Variants in CLASP1 observed in about 807,000 individuals in gnomAD.
The protein encoded by CLASP1 is cytoplasmic linker associated protein 1.
Under a neutral mutation model 192.3 loss-of-function variants are expected in CLASP1, and 38 were observed. The observed-to-expected ratio is 0.20, with a 90% CI of 0.15 to 0.26. CLASP1 has a LOEUF of 0.26. Among genes scored for constraint, CLASP1 ranks in the 10% least tolerant of loss-of-function variants. The pLI is 1.00. For missense variants in CLASP1, 1,433 were observed against 1,932.5 expected, an observed-to-expected ratio of 0.74 and a Z score of 4.85; for synonymous variants, 691 against 712.8, an observed-to-expected ratio of 0.97 and a Z score of 0.49.
At chr2:121,433,828 G>A (rs907731672) in intron 19 of CLASP1, among the ~76,000 whole-genome samples, 2 of 152,148 alleles carry the variant, frequency 1.3e-5, no homozygotes, top group African/African-American at 4.8e-5. Flanking sequence ...CATACACAAT[G>A]TTTGTAGGTA....
chr2:121,554,108 C>T (rs2058300159), intron 2 of CLASP1, among the ~76,000 whole-genome samples: 1 of 151,144 alleles, frequency 6.6e-6, no homozygotes, highest in Non-Finnish European at 1.5e-5. Flanking sequence ...CCCAGCTATA[C>T]TGGAGGCTGA....
chr2:121,427,450 C>A lies in CLASP1; in HGVS notation c.2018-20G>T. On this transcript the variant is annotated intron_variant, in intron 20 of 39. Transcript: ENST00000263710. ...TGGATCCTTGATTATGAGAGCAGAC[C>A]AAAGGACAGGCAAAAAGTGGATTAA... 1 of 1,612,378 alleles carries A rather than the reference C, an allele frequency of 6.2e-7. No individual in the cohort carries two copies. The highest frequency in any genetic ancestry group is 8.5e-7 in the Non-Finnish European group (1 of 1,179,368).
In CLASP1 at chr2:121,404,452, G is replaced by T; in HGVS notation, c.2670-18C>A. ...CAACTCGACTAGAAGAAATAAAACA[G>T]AAATCAATGAATTTACTACTTTTAT... On this transcript the variant is annotated intron_variant, in intron 25 of 39. Coordinates refer to ENST00000263710, the Ensembl canonical transcript of CLASP1. 1 of 1,592,784 alleles carries T rather than the reference G, an allele frequency of 6.3e-7. No individual in the cohort carries two copies.
chr2:121,494,997 G>C (rs2093468356), intron 8 of CLASP1, among the ~76,000 whole-genome samples: 1 of 151,704 alleles, frequency 6.6e-6, no homozygotes, highest in Non-Finnish European at 1.5e-5. Context: ...ACTCCAGCCT[G>C]GGTGACAGAG....
intron 14 of CLASP1, among the ~76,000 whole-genome samples, chr2:121,455,053 T>C (rs2086331339): frequency 6.6e-6 from 1 of 152,196 alleles, no homozygotes; most frequent in Non-Finnish European, 1.5e-5. Flanking sequence ...GCATGCCAAC[T>C]TTACATTCTC....
chr2:121,479,227 G>A (rs542195170), intron 8 of CLASP1, among the ~76,000 whole-genome samples: 2 of 151,820 alleles, frequency 1.3e-5, no homozygotes, highest in South Asian at 4.2e-4. Flanking sequence ...CATGCAGACT[G>A]GATTGGAAGA....
At position 121,518,679 on chromosome 2, in the gene CLASP1, C is replaced by T. The variant is rs1307984241; in HGVS notation, c.547-2917G>A. ...GGTCAGGAGTTCGAGACCAGCCTGG[C>T]CAACATGGTGAAACCCCGTCTCTAC... On this transcript the variant is annotated intron_variant, in intron 6 of 39. Transcript: ENST00000263710. 2.6e-5 allele frequency among the ~76,000 whole-genome samples: 4 copies of T among 151,910 alleles called. No homozygotes were observed. In the East Asian group the frequency reaches 7.8e-4, roughly 29 times the overall value.
intron 9 of CLASP1, among the ~76,000 whole-genome samples, chr2:121,466,354 G>A (rs887079570): frequency 2.0e-5 from 3 of 152,178 alleles, no homozygotes; most frequent in Non-Finnish European, 4.4e-5. Context: ...CTGGGGTGAG[G>A]AGGCAGAGTG....
chr2:121,625,426 CATTT>C (rs1576564451), intron 1 of CLASP1, among the ~76,000 whole-genome samples: 3 of 128,280 alleles, frequency 2.3e-5, no homozygotes, highest in African/African-American at 3.3e-5. Context: ...TTCTTTCTTT[CATTT>C]TTTTTTTTTT....
intron 2 of CLASP1, among the ~76,000 whole-genome samples, chr2:121,540,598 C>G (rs933393112): frequency 5.9e-5 from 9 of 152,006 alleles, no homozygotes; most frequent in African/African-American, 1.9e-4. Context: ...ACCAGCCTGA[C>G]CAACATGGTG....
At chr2:121,401,697 G>T in intron 27 of CLASP1, 25 bp from the exon 29 acceptor site, 1 of 1,591,344 alleles carries the variant, frequency 6.3e-7, no homozygotes, top group Non-Finnish European at 8.6e-7. Context: ...AAACCAAGTA[G>T]TTCACATATT....
At position 121,382,327 on chromosome 2, in the gene CLASP1, G is replaced by A; in HGVS notation, c.3375-3C>T. 1 of 1,541,322 alleles carries A rather than the reference G, an allele frequency of 6.5e-7. No individual in the cohort carries two copies. The highest frequency in any genetic ancestry group is 8.7e-7 in the Non-Finnish European group (1 of 1,142,914). The stretch of plus-strand genomic sequence containing the variant: ...CGGCACTCCAACCCCATAACCGACT[G>A]CAGTGATCAGAAGAGGAAAATCAGA... On this transcript the variant is annotated splice_polypyrimidine_tract_variant and splice_region_variant and intron_variant, in intron 32 of 39. Coordinates refer to ENST00000263710, the Ensembl canonical transcript of CLASP1.
intron 32 of CLASP1, among the ~76,000 whole-genome samples, chr2:121,383,916 A>G (rs2072406662): frequency 6.6e-6 from 1 of 151,400 alleles, no homozygotes; most frequent in South Asian, 2.1e-4. Context: ...ATGTTTTACA[A>G]AAGTTTAACC....
chr2:121,407,618 C>G, exon 25 of CLASP1: 1 of 1,613,954 alleles, frequency 6.2e-7, no homozygotes, highest in East Asian at 2.2e-5. Context: ...ATTCCTGGAG[C>G]CATATGAGCG....
chr2:121,358,952 T>C (rs892759338), intron 37 of CLASP1, among the ~76,000 whole-genome samples: 10 of 152,238 alleles, frequency 6.6e-5, no homozygotes, highest in African/African-American at 2.4e-4. Flanking sequence ...TATTCACTAA[T>C]GTGGCAAAGT....
chr2:121,478,580 G>A (rs989506650), intron 8 of CLASP1, among the ~76,000 whole-genome samples: 3 of 143,824 alleles, frequency 2.1e-5, no homozygotes, highest in Non-Finnish European at 4.6e-5. Context: ...CAGCCTAGGC[G>A]ATGGAGCCAG....
At chr2:121,598,696 AG>A (rs1261144015) in intron 2 of CLASP1, among the ~76,000 whole-genome samples, 1 of 152,152 alleles carries the variant, frequency 6.6e-6, no homozygotes, top group Non-Finnish European at 1.5e-5. Flanking sequence ...TTTACCCTGC[AG>A]GGTTGTTATA....
intron 2 of CLASP1, among the ~76,000 whole-genome samples, chr2:121,559,552 A>T (rs775676252): frequency 4.6e-5 from 7 of 152,242 alleles, no homozygotes; most frequent in Admixed American, 2.0e-4. Flanking sequence ...CCTTGAAAAC[A>T]TTATGATACA....
chr2:121,517,434 T>C (rs910262516), intron 6 of CLASP1, among the ~76,000 whole-genome samples: 2 of 152,342 alleles, frequency 1.3e-5, no homozygotes, highest in African/African-American at 2.4e-5. Flanking sequence ...TCTCTTCCAG[T>C]GGAAAAAGGC....
Sources: allele counts gnomAD v4.1 joint callset (sites outside exome capture counted in the v4.1 genomes callset), GRCh38; gene constraint gnomAD v4.1.1; transcripts MANE v1.5; gene names NCBI Gene and HGNC (gene_info 2026-07-23, HGNC 2026-07-21).